Variants in TMEM132B observed in about 807,000 individuals in gnomAD.
TMEM132B encodes the protein transmembrane protein 132B.
A neutral mutation model predicts 90.8 loss-of-function variants in TMEM132B; 18 were observed. The ratio of observed to expected loss-of-function variants is 0.20; its 90% CI spans 0.14 to 0.29. TMEM132B has a LOEUF of 0.29. TMEM132B is among the 10% of genes least tolerant of loss of function. The pLI, the probability that TMEM132B is intolerant of heterozygous loss-of-function variation, is 1.00. For synonymous variants in TMEM132B, 504 were observed against 523.3 expected (o/e 0.96, Z 0.50); for missense variants, 1,096 against 1,326.8 (o/e 0.83, Z 2.70).
At chr12:125,191,972 C>G (rs1374339921) in intron 1 of TMEM132B, among the ~76,000 whole-genome samples, 2 of 152,134 alleles carry the variant, frequency 1.3e-5, no homozygotes, top group Admixed American at 6.5e-5. Context: ...AGGCTGTTAG[C>G]ACAGGGCATG....
intron 3 of TMEM132B, among the ~76,000 whole-genome samples, chr12:125,476,959 A>T (rs919605246): frequency 1.3e-5 from 2 of 152,200 alleles, no homozygotes; most frequent in Non-Finnish European, 2.9e-5. Context: ...ACAACACAAA[A>T]AATCTTCCTC....
chr12:125,270,504 A>G (rs147490398), intron 1 of TMEM132B, among the ~76,000 whole-genome samples: 13 of 152,274 alleles, frequency 8.5e-5, no homozygotes, highest in African/African-American at 3.1e-4. Context: ...AGGAAGTGGA[A>G]TGGGGCAACT....
chr12:125,604,823 T>A (rs1379449389), intron 5 of TMEM132B, among the ~76,000 whole-genome samples: 2 of 152,216 alleles, frequency 1.3e-5, no homozygotes, highest in African/African-American at 4.8e-5. Flanking sequence ...CCTGGCACTT[T>A]GTGGCAGACA....
At chr12:125,201,775 G>A (rs947615903) in intron 1 of TMEM132B, among the ~76,000 whole-genome samples, 2 of 152,204 alleles carry the variant, frequency 1.3e-5, no homozygotes, top group Non-Finnish European at 2.9e-5. Flanking sequence ...AAAACTTAAC[G>A]TAGTTAAGCT....
Position 125,497,688 on chromosome 12 carries a change from C to T in TMEM132B, c.1107-21751C>T, listed in dbSNP as rs576669565. 8.5e-5 allele frequency among the ~76,000 whole-genome samples: 13 copies of T among 152,294 alleles called. No individual in the cohort carries two copies. In the South Asian group the frequency reaches 2.5e-3, roughly 29 times the overall value. ...ACCAGGGGTTTCTTCCTCTCTTTAC[C>T]TAAGCATAAATTGAGCTGCATTATT... On this transcript the variant is annotated intron_variant, in intron 3 of 8. Coordinates refer to ENST00000682704, the MANE Select transcript of TMEM132B (RefSeq NM_001366854.1).
intron 4 of TMEM132B, among the ~76,000 whole-genome samples, chr12:125,570,925 G>T (rs982464270): frequency 6.6e-6 from 1 of 152,216 alleles, no homozygotes; most frequent in Non-Finnish European, 1.5e-5. Flanking sequence ...CAGGCTGGAA[G>T]AGCAGCTGGA....
chr12:125,347,406 A>C (rs1045604253), intron 1 of TMEM132B, among the ~76,000 whole-genome samples: 1 of 152,212 alleles, frequency 6.6e-6, no homozygotes, highest in Non-Finnish European at 1.5e-5. Flanking sequence ...GCCTTCTTAG[A>C]AAAAGGATGC....
chr12:125,442,936 A>G (rs1037254496), intron 3 of TMEM132B, among the ~76,000 whole-genome samples: 1 of 152,226 alleles, frequency 6.6e-6, no homozygotes, highest in Non-Finnish European at 1.5e-5. Context: ...ATACTAGCCC[A>G]TCCCTCTGAG....
intron 3 of TMEM132B, among the ~76,000 whole-genome samples, chr12:125,487,793 C>T (rs1391675232): frequency 6.6e-6 from 1 of 152,192 alleles, no homozygotes; most frequent in Non-Finnish European, 1.5e-5. Flanking sequence ...TGCTATTTGT[C>T]TCTTGCTGTG....
intron 4 of TMEM132B, among the ~76,000 whole-genome samples, chr12:125,548,037 C>A (rs1029738662): frequency 2.6e-5 from 4 of 152,202 alleles, no homozygotes; most frequent in African/African-American, 9.6e-5. Flanking sequence ...TGTCTATATA[C>A]TTTCAGCCCA....
intron 1 of TMEM132B, among the ~76,000 whole-genome samples, chr12:125,345,827 C>T (rs958728758): frequency 3.9e-5 from 6 of 152,154 alleles, no homozygotes; most frequent in African/African-American, 1.2e-4. Flanking sequence ...TCTAGGAAAT[C>T]GGCAGACTGA....
At position 125,349,301 on chromosome 12, in the gene TMEM132B, T is replaced by C. The variant is rs1360739790; in HGVS notation, c.68-151T>C. 6 of 813,518 alleles carry C rather than the reference T, an allele frequency of 7.4e-6. No homozygotes were observed. The African/African-American group carries it at 1.0e-4, about 14-fold the overall frequency. The allele number at this position is 813,518 out of a possible 1,614,324, so 50.4% of individuals were successfully genotyped here. A position where few individuals can be genotyped will look rare whatever the true frequency, so the allele number is the denominator to read the frequency against. ...GGAAGATCCTGAAGACCATACTTTA[T>C]ATAATTACAGGGCTTTCACTGTGAT... On this transcript the variant is annotated intron_variant, in intron 1 of 8. Transcript: ENST00000682704. The surrounding 1 kb of genome is among the most constrained non-coding windows in gnomAD (Gnocchi z 4.1).
intron 1 of TMEM132B, among the ~76,000 whole-genome samples, chr12:125,326,179 G>T (rs1352838102): frequency 6.6e-6 from 1 of 152,202 alleles, no homozygotes; most frequent in African/African-American, 2.4e-5. Flanking sequence ...ACCAAATCAA[G>T]GTTCTCCACA....
At chr12:125,241,870 G>A (rs781703179) in intron 1 of TMEM132B, among the ~76,000 whole-genome samples, 7 of 152,142 alleles carry the variant, frequency 4.6e-5, no homozygotes, top group Non-Finnish European at 7.4e-5. Flanking sequence ...GCTGCACTTG[G>A]TGTATCTGTG....
chr12:125,306,786 C>T (rs1444470588), intron 1 of TMEM132B, among the ~76,000 whole-genome samples: 1 of 152,262 alleles, frequency 6.6e-6, no homozygotes, highest in African/African-American at 2.4e-5. Flanking sequence ...TGTTCTTCCT[C>T]TGCTCAAAAT....
intron 1 of TMEM132B, among the ~76,000 whole-genome samples, chr12:125,195,007 A>T (rs1490520730): frequency 1.3e-5 from 2 of 152,056 alleles, no homozygotes; most frequent in Non-Finnish European, 2.9e-5. Flanking sequence ...TTTCTCAAGA[A>T]ATTGGGAATT....
At chr12:125,273,901 T>G (rs978174489) in intron 1 of TMEM132B, among the ~76,000 whole-genome samples, 9 of 152,162 alleles carry the variant, frequency 5.9e-5, no homozygotes, top group African/African-American at 1.9e-4. Flanking sequence ...TGACCTCAGG[T>G]GATCCACCCA....
At chr12:125,491,233 TATAA>T (rs768538367) in intron 3 of TMEM132B, among the ~76,000 whole-genome samples, 38 of 151,860 alleles carry the variant, frequency 2.5e-4, no homozygotes, top group Non-Finnish European at 4.9e-4. Flanking sequence ...GTGTTATTAA[TATAA>T]ATATTTTTAA....
intron 3 of TMEM132B, among the ~76,000 whole-genome samples, chr12:125,420,367 C>T (rs1349033860): frequency 4.6e-5 from 7 of 152,220 alleles, no homozygotes; most frequent in Non-Finnish European, 7.3e-5. Context: ...AACTTCTGTG[C>T]ACCTTCAGGC....
Sources: allele counts gnomAD v4.1 joint callset (sites outside exome capture counted in the v4.1 genomes callset), GRCh38; gene constraint gnomAD v4.1.1; non-coding constraint Gnocchi (gnomAD v3.1); transcripts MANE v1.5; gene names NCBI Gene and HGNC (gene_info 2026-07-23, HGNC 2026-07-21).